The following PDLIM5 variants were observed in gnomAD, a reference collection of about 807,000 sequenced individuals.
PDLIM5 encodes the protein PDZ and LIM domain protein 5.
A neutral mutation model predicts 64.2 loss-of-function variants in PDLIM5; 34 were observed. The ratio of observed to expected loss-of-function variants is 0.53; its 90% confidence interval spans 0.40 to 0.71. PDLIM5 has a LOEUF of 0.71. Among genes scored for constraint, PDLIM5 ranks in the 30% least tolerant of loss-of-function variants. The probability of loss-of-function intolerance (pLI) is 0.00; values close to 1 mark genes in which losing one functional copy is unlikely to be tolerated. For missense variants in PDLIM5, 683 were observed against 733.6 expected (o/e 0.93, Z 0.80); for synonymous variants, 253 against 269.1 (o/e 0.94, Z 0.59).
intron 7 of PDLIM5, among the ~76,000 whole-genome samples, chr4:94,614,836 T>C (rs1165989422): frequency 6.6e-6 from 1 of 152,170 alleles, no homozygotes; most frequent in Non-Finnish European, 1.5e-5. Context: ...CTTTAAGAAG[T>C]ATTGTGTGTT....
rs543177487 is a variant in PDLIM5 at position 94,619,811 on chromosome 4, T to A, written c.1108+1620T>A. On this transcript the variant is annotated intron_variant, in intron 8 of 12. Transcript: ENST00000317968. ...ATTATTATTTTTTTTCTGGTAGAGG[T>A]GGAATATCACTATATTGCCCAGGCT... Among the ~76,000 whole-genome samples the A allele has an allele frequency of 1.6e-4, 25 of 152,154 alleles. No homozygotes were observed. In the South Asian group the frequency reaches 4.1e-3, roughly 25 times the overall value.
chr4:94,650,194 C>G (rs1433157957), intron 9 of PDLIM5, among the ~76,000 whole-genome samples: 1 of 152,110 alleles, frequency 6.6e-6, no homozygotes, highest in Non-Finnish European at 1.5e-5. Flanking sequence ...CTTTTACTCT[C>G]TTCCTGCTTG....
At position 94,664,235 on chromosome 4, in the gene PDLIM5, ATAAAG is replaced by A; in HGVS notation, c.*174_*178del. 8.6e-7 allele frequency: 1 copy of A among 1,166,274 alleles called. No individual in the cohort carries two copies. The highest frequency in any genetic ancestry group is 3.4e-5 in the East Asian group (1 of 29,314). The allele number at this position is 1,166,274 out of a possible 1,614,324, so 72.2% of individuals were successfully genotyped here. On this transcript the variant is annotated 3_prime_UTR_variant, in exon 13 of 13. Coordinates refer to ENST00000317968, the MANE Select transcript of PDLIM5 (RefSeq NM_006457.5). ...CAAGTCTGAGGAAATATTTGGCTTC[ATAAAG>A]TAAAGAGACGGTTTGGCATTTATTA... is the stretch of plus-strand genomic sequence containing the variant.
intron 1 of PDLIM5, among the ~76,000 whole-genome samples, chr4:94,453,512 A>G (rs538806669): frequency 5.3e-5 from 8 of 152,314 alleles, no homozygotes; most frequent in Non-Finnish European, 8.8e-5. Context: ...TTGATAATCT[A>G]AATGAAATAC....
chr4:94,564,656 C>CTTTTTTT lies in PDLIM5; in HGVS notation c.249-8682_249-8676dup, dbSNP rs768721210. Among the ~76,000 whole-genome samples the CTTTTTTT allele has an allele frequency of 1.1e-3, 117 of 104,482 alleles. 4 individuals carry two copies. The highest frequency in any genetic ancestry group is 5.4e-3 in the Middle Eastern group (1 of 184). The allele number at this position is 104,482 out of a possible 152,430, so 68.5% of individuals were successfully genotyped here. On this transcript the variant is annotated intron_variant, in intron 3 of 12. Transcript: ENST00000317968. ...CACCTTCAAAGGAGGAATTTTGTCTCTTTTTTTTTTTTTTTTTTTGACAGA... is the reference window on the plus strand; with the variant it reads ...CACCTTCAAAGGAGGAATTTTGTCTCTTTTTTTTTTTTTTTTTTTTTTTTTTGACAGA...
chr4:94,491,153 A>C (rs1726834688), intron 2 of PDLIM5, among the ~76,000 whole-genome samples: 1 of 152,144 alleles, frequency 6.6e-6, no homozygotes, highest in Admixed American at 6.5e-5. Context: ...ACTGATGATC[A>C]TCACCTTATT....
At chr4:94,653,130 T>A (rs1292548161) in intron 9 of PDLIM5, among the ~76,000 whole-genome samples, 1 of 152,080 alleles carries the variant, frequency 6.6e-6, no homozygotes, top group African/African-American at 2.4e-5. Context: ...CGCTTAGGGA[T>A]GATAAGTGAT....
chr4:94,598,333 C>T lies in PDLIM5; in HGVS notation c.920+11889C>T, dbSNP rs574262937. 2.6e-5 allele frequency among the ~76,000 whole-genome samples: 4 copies of T among 152,280 alleles called. No homozygotes were observed. In the South Asian group the frequency reaches 8.3e-4, roughly 32 times the overall value. On this transcript the variant is annotated intron_variant, in intron 7 of 12. Coordinates refer to ENST00000317968, the MANE Select transcript of PDLIM5 (RefSeq NM_006457.5). ...AGTTCTGTTCTGCACTAGTAAATCT[C>T]ACCTGGTGGCATATTATGCTAGTCC...
chr4:94,475,497 T>A (rs1725246618), intron 2 of PDLIM5, among the ~76,000 whole-genome samples: 1 of 152,198 alleles, frequency 6.6e-6, no homozygotes, highest in Non-Finnish European at 1.5e-5. Flanking sequence ...GAAATGATGA[T>A]GAGTATTTGC....
intron 7 of PDLIM5, among the ~76,000 whole-genome samples, chr4:94,593,996 T>A (rs565751651): frequency 6.6e-6 from 1 of 152,146 alleles, no homozygotes; most frequent in East Asian, 1.9e-4. Context: ...TTATATATAA[T>A]TGCATATTTT....
intron 7 of PDLIM5, among the ~76,000 whole-genome samples, chr4:94,614,525 C>G (rs1336353286): frequency 6.6e-6 from 1 of 152,066 alleles, no homozygotes; most frequent in Non-Finnish European, 1.5e-5. Context: ...ATATGATTGT[C>G]TAGATAAACC....
intron 7 of PDLIM5, among the ~76,000 whole-genome samples, chr4:94,613,535 A>AAG (rs1407498905): frequency 1.3e-5 from 2 of 152,170 alleles, no homozygotes; most frequent in African/African-American, 4.8e-5. Context: ...TTGCTCTATT[A>AAG]GTGTACTTGT....
chr4:94,554,450 A>G (rs1352193563), intron 3 of PDLIM5, among the ~76,000 whole-genome samples: 1 of 152,204 alleles, frequency 6.6e-6, no homozygotes, highest in Non-Finnish European at 1.5e-5. Flanking sequence ...GTACTCATTT[A>G]TATATGTATA....
At chr4:94,561,490 A>T (rs1264942018) in intron 3 of PDLIM5, among the ~76,000 whole-genome samples, 1 of 152,252 alleles carries the variant, frequency 6.6e-6, no homozygotes, top group African/African-American at 2.4e-5. Context: ...CTAGAGTTAT[A>T]TGCGTGCTTT....
chr4:94,625,494 C>T (rs1433573679), intron 8 of PDLIM5, among the ~76,000 whole-genome samples: 2 of 151,058 alleles, frequency 1.3e-5, no homozygotes, highest in African/African-American at 4.9e-5. Context: ...TCTGTGTTGC[C>T]CAGGCTGGAG....
intron 7 of PDLIM5, among the ~76,000 whole-genome samples, chr4:94,594,009 C>A (rs1244770305): frequency 2.0e-5 from 3 of 151,590 alleles, no homozygotes; most frequent in African/African-American, 7.3e-5. Flanking sequence ...CATATTTTTC[C>A]AATTCTCTAA....
intron 7 of PDLIM5, chr4:94,586,957 C>CTTTTTTTTTTTTTTTTTTTTTTTTTCTT (rs70946535): frequency 1.7e-6 from 2 of 1,196,122 alleles, no homozygotes; most frequent in Non-Finnish European, 1.1e-6. Flanking sequence ...TTCTATCACT[C>CTTTTTTTTTTTTTTTTTTTTTTTTTCTT]TTTTTTTTTT....
chr4:94,542,315 T>C (rs1731882351), intron 3 of PDLIM5, among the ~76,000 whole-genome samples: 1 of 151,058 alleles, frequency 6.6e-6, no homozygotes, highest in Admixed American at 6.6e-5. Context: ...GTCAAATAAA[T>C]AAATAAATAA....
intron 8 of PDLIM5, among the ~76,000 whole-genome samples, chr4:94,620,900 T>C (rs1739171317): frequency 6.6e-6 from 1 of 151,474 alleles, no homozygotes; most frequent in South Asian, 2.1e-4. Context: ...AAACCCTGTC[T>C]CTACTAAAAA....
Sources: gnomAD v4.1 joint callset for allele counts (sites outside exome capture counted in the v4.1 genomes callset) on GRCh38, gnomAD v4.1.1 for gene constraint, MANE v1.5 for transcripts, NCBI Gene and HGNC (gene_info 2026-07-23, HGNC 2026-07-21) for gene names.